Variants in LRMDA observed in about 807,000 individuals in gnomAD.
LRMDA encodes the protein leucine-rich melanocyte differentiation-associated protein.
A neutral mutation model predicts 29.8 loss-of-function variants in LRMDA; 18 were observed. The observed-to-expected ratio is 0.60, with a 90% CI of 0.42 to 0.90. The LOEUF is 0.90. Among genes scored for constraint, LRMDA ranks in the 40% least tolerant of loss-of-function variants. The pLI is 0.00. For synonymous variants in LRMDA, 125 were observed against 109.4 expected (o/e 1.14, Z -0.89); for missense variants, 273 against 273.9 (o/e 1.00, Z 0.02).
intron 5 of LRMDA, among the ~76,000 whole-genome samples, chr10:76,319,545 G>A (rs1840743486): frequency 1.3e-5 from 2 of 152,102 alleles, no homozygotes; most frequent in South Asian, 4.1e-4. Context: ...TTATGACCCA[G>A]CAATGCAACC....
chr10:76,265,701 T>C (rs565765173), intron 5 of LRMDA, among the ~76,000 whole-genome samples: 5 of 152,330 alleles, frequency 3.3e-5, no homozygotes, highest in African/African-American at 9.6e-5. Context: ...TTGGTTATTG[T>C]TGGGGAAGAG....
chr10:76,151,930 A>G (rs1344801136), intron 5 of LRMDA, among the ~76,000 whole-genome samples: 1 of 152,212 alleles, frequency 6.6e-6, no homozygotes, highest in Non-Finnish European at 1.5e-5. Context: ...TAAAGTAGTA[A>G]TGGAATTATA....
chr10:76,156,030 T>C (rs1850530955), intron 5 of LRMDA, among the ~76,000 whole-genome samples: 1 of 152,120 alleles, frequency 6.6e-6, no homozygotes, highest in African/African-American at 2.4e-5. Flanking sequence ...GAAGACTTCC[T>C]TTAACAGGAA....
At chr10:76,522,440 G>C (rs767993559) in intron 6 of LRMDA, among the ~76,000 whole-genome samples, 12 of 152,126 alleles carry the variant, frequency 7.9e-5, no homozygotes, top group Non-Finnish European at 1.8e-4. Context: ...ATGATAAACA[G>C]TCAATAAATA....
In LRMDA at chr10:75,957,477, G is replaced by A. The variant is rs530167818; in HGVS notation, c.132-78531G>A. Among the ~76,000 whole-genome samples, 4 of 152,330 alleles carry A rather than the reference G, an allele frequency of 2.6e-5. No individual in the cohort carries two copies. In the South Asian group the frequency reaches 8.3e-4, roughly 32 times the overall value. On this transcript the variant is annotated intron_variant, in intron 2 of 6. Transcript: ENST00000611255. ...CTGCTAGGTTGAGCATGATGGATGAGCAGGAGAATGAGTTTCTGCTGCACG... is the reference window on the plus strand; with the variant it reads ...CTGCTAGGTTGAGCATGATGGATGAACAGGAGAATGAGTTTCTGCTGCACG...
chr10:76,203,213 A>G (rs1851465546), intron 5 of LRMDA, among the ~76,000 whole-genome samples: 2 of 152,246 alleles, frequency 1.3e-5, no homozygotes, highest in Non-Finnish European at 2.9e-5. Context: ...CTGTGAGTTC[A>G]ACAACTTGAA....
At chr10:76,508,436 A>G (rs916686282) in intron 6 of LRMDA, among the ~76,000 whole-genome samples, 6 of 152,120 alleles carry the variant, frequency 3.9e-5, no homozygotes, top group African/African-American at 1.4e-4. Context: ...AGAGTTTACC[A>G]TGCTCTCCTA....
chr10:76,412,373 T>A (rs1349171757), intron 6 of LRMDA, among the ~76,000 whole-genome samples: 1 of 152,166 alleles, frequency 6.6e-6, no homozygotes, highest in Non-Finnish European at 1.5e-5. Context: ...ATGTAAGACT[T>A]CAGAAAGGAA....
chr10:75,612,760 A>G (rs1172331598), intron 2 of LRMDA, among the ~76,000 whole-genome samples: 2 of 151,562 alleles, frequency 1.3e-5, no homozygotes, highest in Non-Finnish European at 2.9e-5. Context: ...CTGTGAAAGT[A>G]TTAGAGAAAA....
chr10:76,347,665 A>G (rs1235396404), intron 6 of LRMDA, among the ~76,000 whole-genome samples: 1 of 152,214 alleles, frequency 6.6e-6, no homozygotes, highest in Non-Finnish European at 1.5e-5. Flanking sequence ...AATTTGTGCT[A>G]TGCTTGGTGT....
At chr10:75,686,176 T>A (rs1180806426) in intron 2 of LRMDA, among the ~76,000 whole-genome samples, 3 of 152,118 alleles carry the variant, frequency 2.0e-5, no homozygotes, top group Non-Finnish European at 4.4e-5. Flanking sequence ...AGAGGGCCAC[T>A]GGGGATGGAG....
chr10:75,606,136 G>T (rs1220101513), intron 2 of LRMDA, among the ~76,000 whole-genome samples: 3 of 152,166 alleles, frequency 2.0e-5, no homozygotes, highest in Admixed American at 1.3e-4. Flanking sequence ...AGGATTACAG[G>T]CATGAGCCAC....
At chr10:76,456,293 C>A (rs1312181524) in intron 6 of LRMDA, among the ~76,000 whole-genome samples, 1 of 152,144 alleles carries the variant, frequency 6.6e-6, no homozygotes, top group Non-Finnish European at 1.5e-5. Flanking sequence ...CATGACCCAG[C>A]AAAATGTTCC....
chr10:76,101,641 C>T (rs529261096), intron 5 of LRMDA, among the ~76,000 whole-genome samples: 1 of 152,124 alleles, frequency 6.6e-6, no homozygotes, highest in East Asian at 1.9e-4. Flanking sequence ...GAGGCTGAAG[C>T]AGGAGAATCA....
chr10:76,111,065 C>T (rs990254738), intron 5 of LRMDA, among the ~76,000 whole-genome samples: 1 of 152,016 alleles, frequency 6.6e-6, no homozygotes, highest in Non-Finnish European at 1.5e-5. Flanking sequence ...CATCTGAAAT[C>T]CCTTCTCTCA....
chr10:76,021,753 G>A (rs2132491876), intron 2 of LRMDA, among the ~76,000 whole-genome samples: 1 of 152,300 alleles, frequency 6.6e-6, no homozygotes. Flanking sequence ...TACACCCAGA[G>A]AGAGAAGGAG....
intron 2 of LRMDA, among the ~76,000 whole-genome samples, chr10:75,970,779 A>G (rs1305194535): frequency 2.6e-5 from 4 of 152,206 alleles, no homozygotes; most frequent in Non-Finnish European, 4.4e-5. Context: ...TCTTATTCCT[A>G]TCCATCCTAA....
chr10:75,443,242 T>C (rs1354319924), intron 2 of LRMDA, among the ~76,000 whole-genome samples: 1 of 152,202 alleles, frequency 6.6e-6, no homozygotes, highest in East Asian at 1.9e-4. Flanking sequence ...ATTACCATAC[T>C]GAATGGAAAT....
chr10:75,832,561 C>T (rs781475406), intron 2 of LRMDA, among the ~76,000 whole-genome samples: 3 of 152,200 alleles, frequency 2.0e-5, no homozygotes, highest in Non-Finnish European at 2.9e-5. Flanking sequence ...GTTCCAAAGT[C>T]GCTTCCACAT....
Sources: allele counts gnomAD v4.1 joint callset (sites outside exome capture counted in the v4.1 genomes callset), GRCh38; gene constraint gnomAD v4.1.1; transcripts MANE v1.5; gene names NCBI Gene and HGNC (gene_info 2026-07-23, HGNC 2026-07-21).